GFRA1: variants seen among roughly 807,000 people sequenced by gnomAD.
GFRA1 encodes the protein GDNF family receptor alpha-1.
Under a neutral mutation model 51.6 loss-of-function variants are expected in GFRA1, and 16 were observed. The ratio of observed to expected loss-of-function variants is 0.31; its 90% CI spans 0.21 to 0.47. GFRA1 has a LOEUF of 0.47. Among genes scored for constraint, GFRA1 ranks in the 20% least tolerant of loss-of-function variants. GFRA1 has a pLI of 1.00. For synonymous variants in GFRA1, 270 were observed against 241.3 expected, an observed-to-expected ratio of 1.12 and a Z score of -1.10; for missense variants, 530 against 594.3, an observed-to-expected ratio of 0.89 and a Z score of 1.13.
intron 5 of GFRA1, among the ~76,000 whole-genome samples, chr10:116,194,627 C>A (rs2251545): frequency 0.051 from 7,697 of 152,016 alleles, 379 homozygotes; most frequent in African/African-American, 0.13. Context: ...AAGAAACAAA[C>A]CCACTGAGCA....
intron 6 of GFRA1, among the ~76,000 whole-genome samples, chr10:116,115,369 A>C (rs1021978833): frequency 1.3e-5 from 2 of 152,020 alleles, no homozygotes; most frequent in Non-Finnish European, 2.9e-5. Flanking sequence ...TGACTGCCAG[A>C]GGACCCTCCT....
intron 4 of GFRA1, among the ~76,000 whole-genome samples, chr10:116,239,745 G>C (rs911065978): frequency 2.0e-5 from 3 of 152,056 alleles, no homozygotes; most frequent in African/African-American, 7.2e-5. Context: ...ACAAAAGGAG[G>C]CTGCTGATCT....
In GFRA1 at chr10:116,115,967, G is replaced by A. The variant is rs76604093; in HGVS notation, c.770+9254C>T. ...CCTCAGCCACCTGCAGTTGAACAAG[G>A]TGGTCTGAAGTCCAGGGACCCATAG... On this transcript the variant is annotated intron_variant, in intron 6 of 10. Coordinates refer to ENST00000355422, the MANE Select transcript of GFRA1 (RefSeq NM_005264.8). 8.1e-3 allele frequency among the ~76,000 whole-genome samples: 1,229 copies of A among 152,196 alleles called. 9 individuals are homozygous for A. Among genetic ancestry groups the A allele is most frequent in the Middle Eastern group, 0.014 (4 of 294 alleles).
At chr10:116,100,394 G>A (rs1260589108) in intron 6 of GFRA1, among the ~76,000 whole-genome samples, 1 of 152,196 alleles carries the variant, frequency 6.6e-6, no homozygotes, top group Non-Finnish European at 1.5e-5. Context: ...CTGTGATGGA[G>A]CTAGAACATG....
At chr10:116,255,059 A>G (rs913059836) in intron 4 of GFRA1, among the ~76,000 whole-genome samples, 5 of 152,182 alleles carry the variant, frequency 3.3e-5, no homozygotes, top group Non-Finnish European at 7.4e-5. Context: ...CAGCTGTGGA[A>G]TGTCAAAAAC....
chr10:116,069,340 A>C (rs1955265289), intron 9 of GFRA1, among the ~76,000 whole-genome samples: 1 of 152,008 alleles, frequency 6.6e-6, no homozygotes, highest in Non-Finnish European at 1.5e-5. Flanking sequence ...AAGCTGCCTG[A>C]CTCTAAGTTG....
rs1268965003 is a variant in GFRA1 at position 116,061,949 on chromosome 10, T to C, written c.*2449A>G. The C allele has an allele frequency of 5.0e-6, 2 of 398,474 alleles. No homozygotes were observed. Among genetic ancestry groups the C allele is most frequent in the Non-Finnish European group, 8.8e-6 (2 of 226,032 alleles). The allele number at this position is 398,474 out of a possible 1,614,324, so 24.7% of individuals were successfully genotyped here. On this transcript the variant is annotated 3_prime_UTR_variant, in exon 11 of 11. Transcript: ENST00000355422. ...TCCCTGAACAAGATGCTTCCCCCTA[T>C]TTATTTAATCAGCAACTGATTTTCA...
intron 6 of GFRA1, among the ~76,000 whole-genome samples, chr10:116,103,276 A>C (rs1589791029): frequency 6.6e-6 from 1 of 152,184 alleles, no homozygotes; most frequent in African/African-American, 2.4e-5. Context: ...AGTTGCCCCC[A>C]AAATTTTTAC....
chr10:116,090,877 A>G (rs576148199), intron 8 of GFRA1, among the ~76,000 whole-genome samples: 2 of 152,344 alleles, frequency 1.3e-5, no homozygotes, highest in Admixed American at 6.5e-5. Context: ...CTTAGAAGTG[A>G]CATTTTGTTC....
chr10:116,156,960 C>T (rs1233547861), intron 5 of GFRA1, among the ~76,000 whole-genome samples: 1 of 152,210 alleles, frequency 6.6e-6, no homozygotes, highest in Non-Finnish European at 1.5e-5. Context: ...TAACTAGCTA[C>T]TCTCAACTGC....
chr10:116,129,152 A>G (rs529430073), intron 5 of GFRA1, among the ~76,000 whole-genome samples: 156 of 152,330 alleles, frequency 1.0e-3, no homozygotes, highest in African/African-American at 3.4e-3. Context: ...ATTCACACAA[A>G]ATATTTTTAT....
chr10:116,229,611 C>T (rs1966555116), intron 4 of GFRA1, among the ~76,000 whole-genome samples: 1 of 152,144 alleles, frequency 6.6e-6, no homozygotes, highest in Non-Finnish European at 1.5e-5. Flanking sequence ...GCATGATGTT[C>T]TATGAAGAAC....
At chr10:116,115,451 A>T (rs2133982879) in intron 6 of GFRA1, among the ~76,000 whole-genome samples, 1 of 152,068 alleles carries the variant, frequency 6.6e-6, no homozygotes, top group South Asian at 2.1e-4. Context: ...CATGCATGGG[A>T]GGAGGTTCTC....
At chr10:116,173,947 G>T (rs1280938774) in intron 5 of GFRA1, among the ~76,000 whole-genome samples, 1 of 152,072 alleles carries the variant, frequency 6.6e-6, no homozygotes. Flanking sequence ...GGGCATGGTG[G>T]TGCATGCCTG....
At chr10:116,227,546 T>C (rs1284790430) in intron 4 of GFRA1, among the ~76,000 whole-genome samples, 1 of 152,212 alleles carries the variant, frequency 6.6e-6, no homozygotes, top group African/African-American at 2.4e-5. Context: ...AATAGAAGAT[T>C]AGAGTGATTT....
intron 4 of GFRA1, among the ~76,000 whole-genome samples, chr10:116,263,145 C>T (rs1969412723): frequency 6.6e-6 from 1 of 152,122 alleles, no homozygotes; most frequent in Non-Finnish European, 1.5e-5. Context: ...TTTTTCATTG[C>T]TTGTCCAAGG....
intron 4 of GFRA1, among the ~76,000 whole-genome samples, chr10:116,252,094 G>A (rs987060526): frequency 6.7e-5 from 10 of 149,226 alleles, no homozygotes; most frequent in African/African-American, 1.7e-4. Flanking sequence ...AATATTTGCC[G>A]GGCATTTCCA....
intron 5 of GFRA1, among the ~76,000 whole-genome samples, chr10:116,205,892 T>C (rs1299141655): frequency 6.8e-6 from 1 of 147,700 alleles, no homozygotes; most frequent in Non-Finnish European, 1.5e-5. Context: ...TCAGAGAAAG[T>C]GATTATTTAA....
At chr10:116,151,710 C>T (rs1237655591) in intron 5 of GFRA1, among the ~76,000 whole-genome samples, 2 of 152,036 alleles carry the variant, frequency 1.3e-5, no homozygotes, top group Admixed American at 1.3e-4. Context: ...ACGCACCACA[C>T]AGTGAAGACC....
Sources: gnomAD v4.1 joint callset for allele counts (sites outside exome capture counted in the v4.1 genomes callset) on GRCh38, gnomAD v4.1.1 for gene constraint, MANE v1.5 for transcripts, NCBI Gene and HGNC (gene_info 2026-07-23, HGNC 2026-07-21) for gene names.